HIPK2: variants seen among roughly 807,000 people sequenced by gnomAD.
The protein encoded by HIPK2 is homeodomain-interacting protein kinase 2.
HIPK2 carries 27 observed loss-of-function variants against 113.7 expected under a neutral mutation model. The ratio of observed to expected loss-of-function variants is 0.24; its 90% CI spans 0.17 to 0.33. The LOEUF (loss-of-function observed/expected upper bound fraction) is 0.33. Ranked by LOEUF, HIPK2 falls within the 10% of genes least tolerant of loss-of-function variation. HIPK2 has a pLI of 1.00. For missense variants in HIPK2, 1,257 were observed against 1,588.0 expected (o/e 0.79, Z 3.54); for synonymous variants, 631 against 642.2 (o/e 0.98, Z 0.26).
chr7:139,567,300 G>GT lies in HIPK2; in HGVS notation c.*5626dup, dbSNP rs1189780491. The GT allele has an allele frequency of 2.0e-5, 3 of 152,086 alleles. No homozygotes were observed. The highest frequency in any genetic ancestry group is 4.4e-5 in the Non-Finnish European group (3 of 68,048). 9.4% of individuals were successfully genotyped at this position (152,086 alleles called of 1,614,324 possible). A position where few individuals can be genotyped will look rare whatever the true frequency, so the allele number is the denominator to read the frequency against. ...GTGGCCTGGGATTAGTCAAGCCCAC[G>GT]TATTGGTATGGCACCTTGTCTCCCG... On this transcript the variant is annotated 3_prime_UTR_variant, in exon 15 of 15. Coordinates refer to ENST00000406875, the MANE Select transcript of HIPK2 (RefSeq NM_022740.5).
In HIPK2 at chr7:139,581,234, C is replaced by T. The variant is rs142828546; in HGVS notation, c.2965+2583G>A. ...GACTCCTCTCCGGAAAAAAAAGCAA[C>T]GACAAGTGTCTCTCCAAGCTGGGAC... On this transcript the variant is annotated intron_variant, in intron 13 of 14. Transcript: ENST00000406875. Among the ~76,000 whole-genome samples, 621 of 152,186 alleles carry T rather than the reference C, an allele frequency of 4.1e-3. 4 individuals are homozygous for T. Among genetic ancestry groups the T allele is most frequent in the African/African-American group, 0.014 (589 of 41,518 alleles).
chr7:139,709,969 G>A (rs1795013348), intron 2 of HIPK2, among the ~76,000 whole-genome samples: 1 of 152,082 alleles, frequency 6.6e-6, no homozygotes, highest in Non-Finnish European at 1.5e-5. Flanking sequence ...TCATACTATC[G>A]GGGGGTAGAA....
Position 139,616,668 on chromosome 7 carries a change from C to T in HIPK2, c.1783-2175G>A, listed in dbSNP as rs531524726. Among the ~76,000 whole-genome samples the T allele has an allele frequency of 2.7e-3, 405 of 152,354 alleles. 2 individuals carry two copies. Among genetic ancestry groups the T allele is most frequent in the African/African-American group, 9.4e-3 (389 of 41,586 alleles). On this transcript the variant is annotated intron_variant, in intron 7 of 14. Transcript: ENST00000406875. ...CATTAATGGAAATGAATTGCTCCTTCCTTTGCTATCACACAGTACAATATA... is the reference window on the plus strand; with the variant it reads ...CATTAATGGAAATGAATTGCTCCTTTCTTTGCTATCACACAGTACAATATA...
chr7:139,772,288 C>T (rs918903560), intron 1 of HIPK2, among the ~76,000 whole-genome samples: 13 of 152,176 alleles, frequency 8.5e-5, no homozygotes, highest in African/African-American at 3.1e-4. Flanking sequence ...GGCTGGGAAT[C>T]AATTCTCCAA....
intron 12 of HIPK2, among the ~76,000 whole-genome samples, chr7:139,585,033 GA>G (rs1798790117): frequency 6.6e-6 from 1 of 152,100 alleles, no homozygotes; most frequent in Non-Finnish European, 1.5e-5. Context: ...TGATGGATGT[GA>G]AATTTATTGT....
Position 139,716,489 on chromosome 7 carries a change from G to T in HIPK2, c.546C>A (p.Gly182=). ...CCTCATGCTGCACCAGCTGATAGTCGCCCTCGCTGTTGGAGCCGCTGTTTT... is the reference window on the plus strand; with the variant it reads ...CCTCATGCTGCACCAGCTGATAGTCTCCCTCGCTGTTGGAGCCGCTGTTTT... ...TSKNSGSNSE[G]DYQLVQHEVL... The change falls in exon 2 of 15, where the codon GGC becomes GGA. Residue 182 remains glycine, a synonymous_variant. Transcript: ENST00000406875. The surrounding 1 kb of genome is among the most constrained non-coding windows in gnomAD (Gnocchi z 9.3). 6.2e-7 allele frequency: 1 copy of T among 1,613,972 alleles called. No individual in the cohort carries two copies. Among genetic ancestry groups the T allele is most frequent in the Non-Finnish European group, 8.5e-7 (1 of 1,179,902 alleles).
At chr7:139,635,479 C>T (rs1028695362) in intron 2 of HIPK2, among the ~76,000 whole-genome samples, 2 of 152,158 alleles carry the variant, frequency 1.3e-5, no homozygotes, top group African/African-American at 4.8e-5. Context: ...CACACAAAGG[C>T]ACTTTAGTGA....
chr7:139,700,586 C>T (rs1794680367), intron 2 of HIPK2, among the ~76,000 whole-genome samples: 1 of 152,128 alleles, frequency 6.6e-6, no homozygotes, highest in Non-Finnish European at 1.5e-5. Flanking sequence ...TTTCTGAAAT[C>T]TGCACGTTTA....
At chr7:139,664,611 C>T (rs973335654) in intron 2 of HIPK2, among the ~76,000 whole-genome samples, 1 of 152,192 alleles carries the variant, frequency 6.6e-6, no homozygotes, top group Non-Finnish European at 1.5e-5. Context: ...TTCCACCCTT[C>T]CTGCTATGGC....
At chr7:139,584,118 C>T (rs2116550673) in intron 12 of HIPK2, 54 bp from the exon 13 acceptor site, 1 of 1,542,432 alleles carries the variant, frequency 6.5e-7, no homozygotes, top group Non-Finnish European at 8.7e-7. Context: ...AGGTGAGACA[C>T]CCAACTAGCA....
chr7:139,597,105 ACACGT>A (rs1799249532), intron 11 of HIPK2, 107 bp from the exon 12 acceptor site: 8 of 1,239,478 alleles, frequency 6.5e-6, no homozygotes, highest in Non-Finnish European at 7.8e-6. Flanking sequence ...TCTCTGTAAA[ACACGT>A]CAGTGGCTGC....
rs919539968 is a variant in HIPK2, at chr7:139,594,777, C to T, written c.2717+1940G>A. Among the ~76,000 whole-genome samples, 46 of 152,190 alleles carry T rather than the reference C, an allele frequency of 3.0e-4. 1 individual carries two copies. Among genetic ancestry groups the T allele is most frequent in the Admixed American group, 8.5e-4 (13 of 15,278 alleles). ...ACGACCCTGGCAGGCTGGCAGTCCC[C>T]GCCACTCTTCACTGCAGGATGCTGT... On this transcript the variant is annotated intron_variant, in intron 12 of 14. Coordinates refer to ENST00000406875, the MANE Select transcript of HIPK2 (RefSeq NM_022740.5).
At chr7:139,648,642 C>G (rs1017523583) in intron 2 of HIPK2, among the ~76,000 whole-genome samples, 2 of 152,158 alleles carry the variant, frequency 1.3e-5, no homozygotes, top group African/African-American at 4.8e-5. Context: ...CAAGCCAGAG[C>G]TTAGGTTCCA....
rs1799918441 is a variant in HIPK2, at chr7:139,613,672, T to G, written c.1991-349A>C. Among the ~76,000 whole-genome samples the G allele has an allele frequency of 6.6e-6, 1 of 152,186 alleles. No homozygotes were observed. ...GTCAAAATGAGGGGTGTTGGGGAGATGTATGAACCCATTTGGAATTGCATT... is the reference window on the plus strand; with the variant it reads ...GTCAAAATGAGGGGTGTTGGGGAGAGGTATGAACCCATTTGGAATTGCATT... On this transcript the variant is annotated intron_variant, in intron 8 of 14. Transcript: ENST00000406875. The surrounding 1 kb of genome is among the most constrained non-coding windows in gnomAD (Gnocchi z 4.2).
intron 2 of HIPK2, among the ~76,000 whole-genome samples, chr7:139,660,114 A>G (rs147530912): frequency 1.3e-5 from 2 of 152,370 alleles, no homozygotes; most frequent in African/African-American, 4.8e-5. Context: ...ATGGCCTCCC[A>G]TAGTTTGAGA....
At chr7:139,663,317 T>G (rs1370748004) in intron 2 of HIPK2, among the ~76,000 whole-genome samples, 1 of 152,176 alleles carries the variant, frequency 6.6e-6, no homozygotes, top group Non-Finnish European at 1.5e-5. Flanking sequence ...ATCACCTAAT[T>G]CAGCTTTCTT....
chr7:139,567,134 G>C lies in HIPK2; in HGVS notation c.*5793C>G, dbSNP rs537787391. ...TTCTCTAGTGGCCTGAGATTTTACT[G>C]AGTCTGGTCTGTGGAGATGAGAAGT... On this transcript the variant is annotated 3_prime_UTR_variant, in exon 15 of 15. Transcript: ENST00000406875. 6.6e-6 allele frequency: 1 copy of C among 152,276 alleles called. No individual in the cohort carries two copies. The highest frequency in any genetic ancestry group is 2.4e-5 in the African/African-American group (1 of 41,552). The allele number at this position is 152,276 out of a possible 1,614,324, so 9.4% of individuals were successfully genotyped here.
At chr7:139,681,161 T>C (rs889120334) in intron 2 of HIPK2, among the ~76,000 whole-genome samples, 3 of 152,186 alleles carry the variant, frequency 2.0e-5, no homozygotes, top group African/African-American at 7.2e-5. Context: ...CAAGTTGCAA[T>C]TGGGTCAATG....
At chr7:139,703,113 T>C (rs1409400666) in intron 2 of HIPK2, among the ~76,000 whole-genome samples, 1 of 152,182 alleles carries the variant, frequency 6.6e-6, no homozygotes, top group Non-Finnish European at 1.5e-5. Context: ...AAATTAGGCA[T>C]GGTACGGCTT....
Sources: gnomAD v4.1 joint callset for allele counts (sites outside exome capture counted in the v4.1 genomes callset) on GRCh38, gnomAD v4.1.1 for gene constraint, Gnocchi (gnomAD v3.1) non-coding constraint, MANE v1.5 for transcripts, NCBI Gene and HGNC (gene_info 2026-07-23, HGNC 2026-07-21) for gene names.